The following CUL2 variants were observed in gnomAD, a reference collection of about 807,000 sequenced individuals.
CUL2 encodes cullin-2.
Under a neutral mutation model 110.2 loss-of-function variants are expected in CUL2, and 22 were observed. That is an observed-to-expected ratio of 0.20 (90% CI 0.14 to 0.28). The LOEUF is 0.28. Ranked by LOEUF, CUL2 falls within the 10% of genes least tolerant of loss-of-function variation. CUL2 has a pLI of 1.00. For missense variants in CUL2, 631 were observed against 905.5 expected, an observed-to-expected ratio of 0.70 and a Z score of 3.89; for synonymous variants, 279 against 293.2, an observed-to-expected ratio of 0.95 and a Z score of 0.49.
upstream of CUL2, chr10:35,126,671 C>CGCGCG (rs1223866743): frequency 1.3e-5 from 2 of 152,698 alleles, no homozygotes; most frequent in African/African-American, 4.8e-5. Context: ...TTCTGGCGCA[C>CGCGCG]GCGCGGCGCG....
rs2085028244 is a variant in CUL2 at position 35,016,187 on chromosome 10, C to T, written c.1887+5G>A. 3 of 1,608,950 alleles carry T rather than the reference C, an allele frequency of 1.9e-6. No individual in the cohort carries two copies. Among genetic ancestry groups the T allele is most frequent in the African/African-American group, 2.7e-5 (2 of 74,810 alleles). On this transcript the variant is annotated splice_donor_5th_base_variant and intron_variant, in intron 18 of 20. Transcript: ENST00000374749. Reference sequence around the variant, plus strand: ...GCTTAAATTCTTTGGAATATTACTACATACCTTTTCTGAATCATGGTTAAT... The same window carrying T: ...GCTTAAATTCTTTGGAATATTACTATATACCTTTTCTGAATCATGGTTAAT...
chr10:35,045,264 T>C (rs2085904352), intron 6 of CUL2, among the ~76,000 whole-genome samples: 1 of 152,158 alleles, frequency 6.6e-6, no homozygotes, highest in South Asian at 2.1e-4. Context: ...TTAAGACATG[T>C]AGGTGAAATG....
chr10:35,105,261 CA>C (rs1272429351), intron 1 of CUL2, among the ~76,000 whole-genome samples: 1 of 150,620 alleles, frequency 6.6e-6, no homozygotes, highest in African/African-American at 2.4e-5. Context: ...CCGTCTCTAC[CA>C]AAAATAGAAA....
chr10:35,014,677 TA>T (rs1221431371), intron 18 of CUL2, among the ~76,000 whole-genome samples: 2 of 150,866 alleles, frequency 1.3e-5, no homozygotes, highest in East Asian at 2.0e-4. Context: ...TACTAAAAAT[TA>T]AAAAATTAGC....
intron 6 of CUL2, among the ~76,000 whole-genome samples, chr10:35,046,865 C>T (rs1410513675): frequency 6.6e-6 from 1 of 151,822 alleles, no homozygotes; most frequent in Non-Finnish European, 1.5e-5. Flanking sequence ...GGCATTCTAG[C>T]CTGGGCAACA....
chr10:35,038,296 C>T (rs1178511714), intron 9 of CUL2, among the ~76,000 whole-genome samples: 4 of 151,510 alleles, frequency 2.6e-5, no homozygotes, highest in South Asian at 2.1e-4. Context: ...GAGGCTGAGG[C>T]GGGCGGACCA....
chr10:35,074,089 G>A, intron 1 of CUL2: 1 of 1,085,848 alleles, frequency 9.2e-7, no homozygotes, highest in Non-Finnish European at 1.4e-6. Flanking sequence ...TCCTTGCCAG[G>A]CACCATTCCA....
chr10:35,098,288 A>AACTCACTATTTGAGATAGATG (rs1466593388), intron 2 of CUL2, among the ~76,000 whole-genome samples: 1 of 152,246 alleles, frequency 6.6e-6, no homozygotes, highest in Non-Finnish European at 1.5e-5. Context: ...TGAGATAGAT[A>AACTCACTATTTGAGATAGATG]ACTCACTATT....
intron 1 of CUL2, among the ~76,000 whole-genome samples, chr10:35,114,985 G>A (rs907690237): frequency 9.9e-5 from 15 of 152,040 alleles, no homozygotes; most frequent in South Asian, 4.2e-4. Context: ...GCCGAGGTGG[G>A]CAGATCACCT....
intron 17 of CUL2, among the ~76,000 whole-genome samples, chr10:35,022,271 A>G (rs1166168288): frequency 3.3e-5 from 5 of 152,344 alleles, no homozygotes; most frequent in South Asian, 4.1e-4. Context: ...TACACAGCTA[A>G]TAAGTTGTGA....
Position 35,012,794 on chromosome 10 carries a change from G to C in CUL2, c.1990-830C>G, listed in dbSNP as rs79934294. Among the ~76,000 whole-genome samples, 1,216 of 152,220 alleles carry C rather than the reference G, an allele frequency of 8.0e-3. 6 individuals carry two copies. Among genetic ancestry groups the C allele is most frequent in the Middle Eastern group, 0.024 (7 of 294 alleles). ...ACATCTTATATTATCTTCACATCCT[G>C]CATCAGCCCAAGGACTGCACACCGG... On this transcript the variant is annotated intron_variant, in intron 19 of 20. Coordinates refer to ENST00000374749, the MANE Select transcript of CUL2 (RefSeq NM_003591.4).
intron 2 of CUL2, among the ~76,000 whole-genome samples, chr10:35,097,620 A>G (rs1564752182): frequency 6.6e-6 from 1 of 151,980 alleles, no homozygotes; most frequent in Non-Finnish European, 1.5e-5. Flanking sequence ...TACCTCTGTG[A>G]TCATCCTCCC....
At chr10:35,045,669 A>T (rs2085919357) in intron 6 of CUL2, among the ~76,000 whole-genome samples, 1 of 152,042 alleles carries the variant, frequency 6.6e-6, no homozygotes, top group South Asian at 2.1e-4. Context: ...GTGAGCCACG[A>T]TTGCACCACT....
At position 35,010,271 on chromosome 10, in the gene CUL2, T is replaced by C. The variant is rs1404004058; in HGVS notation, c.*40A>G. 1.3e-6 allele frequency: 2 copies of C among 1,539,416 alleles called. No homozygotes were observed. Among genetic ancestry groups the C allele is most frequent in the South Asian group, 2.5e-5 (2 of 79,542 alleles). ...CCCACAGGAACACACCAAATGGTGA[T>C]GGCAATGATCTTCTCACACCACGCT... On this transcript the variant is annotated 3_prime_UTR_variant, in exon 21 of 21. Coordinates refer to ENST00000374749, the MANE Select transcript of CUL2 (RefSeq NM_003591.4).
intron 8 of CUL2, among the ~76,000 whole-genome samples, chr10:35,040,806 T>C (rs1168934637): frequency 6.6e-6 from 1 of 152,168 alleles, no homozygotes; most frequent in African/African-American, 2.4e-5. Context: ...TAGATTCTTC[T>C]AAAGAGCGCA....
At chr10:35,124,033 T>A (rs993604330) in intron 1 of CUL2, among the ~76,000 whole-genome samples, 19 of 152,078 alleles carry the variant, frequency 1.2e-4, no homozygotes, top group African/African-American at 4.6e-4. Flanking sequence ...AGGGAGACTA[T>A]GTTAAGAAAG....
chr10:35,011,862 C>T lies in CUL2; in HGVS notation c.2092G>A (p.Ala698Thr), dbSNP rs1451158880. ...CCTCCTTTTACCTCTTGAATAAGGG[C>T]ATTGTGCCGAAGCACTTTTCGTGCT... ...MKARKVLRHN[A>T]LIQEVISQSR... The change falls in exon 20 of 21, where the codon GCC becomes ACC. Residue 698 changes from alanine (A) to threonine (T), a missense_variant. Transcript: ENST00000374749. 6.2e-7 allele frequency: 1 copy of T among 1,608,250 alleles called. No individual in the cohort carries two copies. The highest frequency in any genetic ancestry group is 1.7e-5 in the Admixed American group (1 of 59,914).
At chr10:35,059,937 C>A (rs2086339561) in intron 4 of CUL2, among the ~76,000 whole-genome samples, 1 of 152,190 alleles carries the variant, frequency 6.6e-6, no homozygotes, top group Non-Finnish European at 1.5e-5. Context: ...GCAACATTTA[C>A]TAAAAGTTCA....
upstream of CUL2, among the ~76,000 whole-genome samples, chr10:35,093,380 A>T (rs2087243438): frequency 6.6e-6 from 1 of 151,882 alleles, no homozygotes; most frequent in South Asian, 2.1e-4. Context: ...TGAAAGAACA[A>T]TTGACAGACT....
Sources: gnomAD v4.1 joint callset for allele counts (sites outside exome capture counted in the v4.1 genomes callset) on GRCh38, gnomAD v4.1.1 for gene constraint, MANE v1.5 for transcripts, NCBI Gene and HGNC (gene_info 2026-07-23, HGNC 2026-07-21) for gene names.